Variants in PTK2 observed in about 807,000 individuals in gnomAD.
PTK2 encodes the protein protein tyrosine kinase 2.
PTK2 carries 45 observed loss-of-function variants against 150.1 expected under a neutral mutation model. That is an observed-to-expected ratio of 0.30 (90% CI 0.24 to 0.38). The LOEUF is 0.38. Ranked by LOEUF, PTK2 falls within the 10% of genes least tolerant of loss-of-function variation. The pLI, the probability that PTK2 is intolerant of heterozygous loss-of-function variation, is 1.00. For synonymous variants in PTK2, 432 were observed against 449.2 expected (o/e 0.96, Z 0.48); for missense variants, 919 against 1,307.3 (o/e 0.70, Z 4.58).
intron 22 of PTK2, chr8:140,734,923 C>CA: frequency 2.3e-6 from 1 of 429,584 alleles, no homozygotes; most frequent in Non-Finnish European, 4.4e-6. Flanking sequence ...GTGAGGGAGA[C>CA]AGAGATGGAG....
chr8:140,890,652 G>C lies in PTK2; in HGVS notation c.86C>G (p.Ser29Cys). 2.5e-6 allele frequency: 4 copies of C among 1,614,110 alleles called. No individual in the cohort carries two copies. The African/African-American group carries it at 5.3e-5, about 22-fold the overall frequency. The change falls in exon 3 of 32, where the codon TCT becomes TGT. Residue 29 changes from serine (S) to cysteine (C), a missense_variant. Physicochemically the swap from Ser to Cys is moderately radical, Grantham distance 112 (BLOSUM62 -1). This residue lies in a region of PTK2 where 555 missense variants were observed against 880.1 expected (regional missense o/e 0.63). Coordinates refer to ENST00000522684, the Ensembl canonical transcript of PTK2. ...TAATACTCGCTCCATTGCACCAGGA[G>C]AACGTTCCATACCAGTACCCAGGTG...
chr8:140,925,183 T>C (rs2100169000), intron 2 of PTK2, among the ~76,000 whole-genome samples: 1 of 152,210 alleles, frequency 6.6e-6, no homozygotes, highest in African/African-American at 2.4e-5. Context: ...AGTAAAGCAC[T>C]AATAAATGCT....
At chr8:140,844,941 C>A (rs1478886804) in intron 7 of PTK2, among the ~76,000 whole-genome samples, 1 of 152,172 alleles carries the variant, frequency 6.6e-6, no homozygotes, top group East Asian at 1.9e-4. Flanking sequence ...TGACTGGTAT[C>A]CATAGTGGCC....
At chr8:140,931,601 T>C (rs1334328056) in intron 1 of PTK2, among the ~76,000 whole-genome samples, 2 of 152,038 alleles carry the variant, frequency 1.3e-5, no homozygotes, top group Non-Finnish European at 2.9e-5. Flanking sequence ...TAAAAGTATA[T>C]TGTTCACTAT....
intron 5 of PTK2, among the ~76,000 whole-genome samples, chr8:140,846,916 A>G (rs2100125905): frequency 6.6e-6 from 1 of 152,136 alleles, no homozygotes; most frequent in Non-Finnish European, 1.5e-5. Context: ...CCTTTCATAT[A>G]GTTTACATTG....
At chr8:140,682,838 A>C (rs2100017844) in intron 27 of PTK2, among the ~76,000 whole-genome samples, 1 of 152,176 alleles carries the variant, frequency 6.6e-6, no homozygotes, top group African/African-American at 2.4e-5. Context: ...GAATCTCTTG[A>C]ACACAGCTAA....
chr8:140,814,102 A>G (rs536465739), intron 10 of PTK2, among the ~76,000 whole-genome samples: 14 of 152,348 alleles, frequency 9.2e-5, no homozygotes, highest in Middle Eastern at 6.8e-3. Context: ...AGACTGAGCC[A>G]GGAAGAAACT....
At position 140,964,916 on chromosome 8, in the gene PTK2, A is replaced by G. The variant is rs114280440; in HGVS notation, c.-122+36209T>C. 7.7e-3 allele frequency among the ~76,000 whole-genome samples: 1,170 copies of G among 152,242 alleles called. 14 individuals carry two copies. The highest frequency in any genetic ancestry group is 0.026 in the African/African-American group (1,082 of 41,544). ...TTTGCTCCCAAGAAAAAAGGTATTTATCCTATATCCTCTTTCTCTCCAAAA... is the reference window on the plus strand; with the variant it reads ...TTTGCTCCCAAGAAAAAAGGTATTTGTCCTATATCCTCTTTCTCTCCAAAA... On this transcript the variant is annotated intron_variant, in intron 1 of 31. Coordinates refer to ENST00000522684, the Ensembl canonical transcript of PTK2.
At chr8:140,922,109 A>C (rs2100167679) in intron 2 of PTK2, among the ~76,000 whole-genome samples, 1 of 152,204 alleles carries the variant, frequency 6.6e-6, no homozygotes, top group Admixed American at 6.5e-5. Flanking sequence ...GAAGTCACTA[A>C]CTTCTGAAAA....
chr8:140,826,612 A>G (rs1348111182), intron 8 of PTK2, among the ~76,000 whole-genome samples: 1 of 152,184 alleles, frequency 6.6e-6, no homozygotes, highest in East Asian at 1.9e-4. Context: ...CTCAAAAAGC[A>G]CATCTGTTAT....
chr8:140,715,272 A>C (rs933641812), intron 23 of PTK2, among the ~76,000 whole-genome samples: 1 of 144,448 alleles, frequency 6.9e-6, no homozygotes, highest in African/African-American at 2.6e-5. Context: ...TCCTGAGTTC[A>C]AGCAATTATC....
intron 7 of PTK2, among the ~76,000 whole-genome samples, chr8:140,843,702 A>T (rs1022311532): frequency 2.6e-5 from 4 of 151,940 alleles, no homozygotes; most frequent in Admixed American, 2.6e-4. Context: ...GGTTTTTTTT[A>T]GATAGGCCTT....
At chr8:140,751,878 C>G in intron 17 of PTK2, 1 of 525,384 alleles carries the variant, frequency 1.9e-6, no homozygotes, top group Non-Finnish European at 3.8e-6. Flanking sequence ...TCCATCAGGG[C>G]AGGGACTGTG....
intron 1 of PTK2, among the ~76,000 whole-genome samples, chr8:140,979,593 G>A (rs760806652): frequency 5.9e-5 from 9 of 152,166 alleles, no homozygotes; most frequent in African/African-American, 1.4e-4. Flanking sequence ...ACAAGGATGT[G>A]GAACAACAGG....
chr8:140,689,976 G>A (rs924843548), intron 26 of PTK2, among the ~76,000 whole-genome samples: 1 of 151,970 alleles, frequency 6.6e-6, no homozygotes, highest in Non-Finnish European at 1.5e-5. Flanking sequence ...TTTTTGAGAT[G>A]GAGTCTCCCT....
At chr8:140,950,311 C>T (rs1309537377) in intron 1 of PTK2, among the ~76,000 whole-genome samples, 1 of 152,220 alleles carries the variant, frequency 6.6e-6, no homozygotes, top group East Asian at 1.9e-4. Context: ...CTCTTTGGGG[C>T]TTTGCAGTTC....
chr8:140,869,529 A>G (rs540734087), intron 4 of PTK2, among the ~76,000 whole-genome samples: 4 of 152,238 alleles, frequency 2.6e-5, no homozygotes, highest in Admixed American at 1.3e-4. Flanking sequence ...TCTGATTCAG[A>G]TAATGAATGA....
At chr8:140,915,098 A>G (rs1173045393) in intron 2 of PTK2, among the ~76,000 whole-genome samples, 1 of 151,278 alleles carries the variant, frequency 6.6e-6, no homozygotes, top group Non-Finnish European at 1.5e-5. Flanking sequence ...AATGAGCAGG[A>G]CAGATAGGAT....
chr8:140,766,173 T>C (rs1025859396), intron 14 of PTK2, among the ~76,000 whole-genome samples: 5 of 152,176 alleles, frequency 3.3e-5, no homozygotes, highest in Non-Finnish European at 5.9e-5. Flanking sequence ...TGCACGTAGC[T>C]CATGGTGTTA....
Sources: gnomAD v4.1 joint callset for allele counts (sites outside exome capture counted in the v4.1 genomes callset) on GRCh38, gnomAD v4.1.1 for gene constraint, gnomAD v4.1.1 regional missense constraint, MANE v1.5 for transcripts, NCBI Gene and HGNC (gene_info 2026-07-23, HGNC 2026-07-21) for gene names.